Variants in MYO16 observed in about 807,000 individuals in gnomAD.
MYO16 encodes unconventional myosin-XVI.
Under a neutral mutation model 205.3 loss-of-function variants are expected in MYO16, and 94 were observed. The observed-to-expected ratio is 0.46, with a 90% CI of 0.39 to 0.54. MYO16 has a LOEUF of 0.54. Ranked by LOEUF, MYO16 falls within the 20% of genes least tolerant of loss-of-function variation. The probability of loss-of-function intolerance (pLI) is 0.00; values close to 1 mark genes in which losing one functional copy is unlikely to be tolerated. For missense variants in MYO16, 2,315 were observed against 2,387.5 expected (o/e 0.97, Z 0.63); for synonymous variants, 988 against 954.0 (o/e 1.04, Z -0.66).
chr13:108,861,387 C>T (rs1878443265), intron 11 of MYO16, among the ~76,000 whole-genome samples: 2 of 152,178 alleles, frequency 1.3e-5, no homozygotes, highest in Admixed American at 1.3e-4. Flanking sequence ...CAATAAACTA[C>T]TATATGAGTA....
intron 9 of MYO16, among the ~76,000 whole-genome samples, chr13:108,825,465 C>T (rs1252825677): frequency 6.6e-6 from 1 of 151,924 alleles, no homozygotes; most frequent in Non-Finnish European, 1.5e-5. Flanking sequence ...TAACGTCATA[C>T]TCAATGGTGA....
At chr13:108,851,543 C>A (rs1877864291) in intron 10 of MYO16, among the ~76,000 whole-genome samples, 1 of 152,170 alleles carries the variant, frequency 6.6e-6, no homozygotes, top group African/African-American at 2.4e-5. Flanking sequence ...GCATTCCAGT[C>A]TGTGATCCTG....
intron 16 of MYO16, among the ~76,000 whole-genome samples, chr13:108,952,547 A>G (rs1173828955): frequency 6.6e-6 from 1 of 152,216 alleles, no homozygotes; most frequent in East Asian, 1.9e-4. Context: ...ATCAAGAAAT[A>G]CTAGTTCCCA....
At chr13:108,995,524 G>T (rs113651461) in intron 21 of MYO16, among the ~76,000 whole-genome samples, 5 of 151,958 alleles carry the variant, frequency 3.3e-5, no homozygotes, top group African/African-American at 1.2e-4. Context: ...GTGCCATGTT[G>T]GTGTGCTGCC....
chr13:108,547,069 G>A, the MYO16 span, among the ~76,000 whole-genome samples: 46 of 152,008 alleles, frequency 3.0e-4, no homozygotes, highest in East Asian at 4.1e-3. Flanking sequence ...TCAGGAGATC[G>A]AGATCATCCT....
At position 109,141,459 on chromosome 13, in the gene MYO16, T is replaced by G. The variant is rs751937410; in HGVS notation, c.5164+83T>G. Reference sequence around the variant, plus strand: ...CTGTGTACATCCGTGTCTGCGCAGATGTGAAATAGTAAAGTTTCAGGTGAT... The same window carrying G: ...CTGTGTACATCCGTGTCTGCGCAGAGGTGAAATAGTAAAGTTTCAGGTGAT... On this transcript the variant is annotated intron_variant, in intron 32 of 34. Coordinates refer to ENST00000457511, the MANE Select transcript of MYO16 (RefSeq NM_001198950.3). The surrounding 1 kb of genome is among the most constrained non-coding windows in gnomAD (Gnocchi z 4.1). The G allele has an allele frequency of 2.1e-6, 2 of 974,364 alleles. No individual in the cohort carries two copies. Among genetic ancestry groups the G allele is most frequent in the Non-Finnish European group, 2.8e-6 (2 of 712,260 alleles). The allele number at this position is 974,364 out of a possible 1,614,324, so 60.4% of individuals were successfully genotyped here. A position where few individuals can be genotyped will look rare whatever the true frequency, so the allele number is the denominator to read the frequency against.
chr13:108,944,070 A>C (rs895412435), intron 16 of MYO16, among the ~76,000 whole-genome samples: 1 of 152,232 alleles, frequency 6.6e-6, no homozygotes. Flanking sequence ...AGCACAGCAC[A>C]TGAGGCTGAA....
intron 4 of MYO16, among the ~76,000 whole-genome samples, chr13:108,746,973 A>G (rs1885084511): frequency 6.6e-6 from 1 of 152,188 alleles, no homozygotes; most frequent in Non-Finnish European, 1.5e-5. Flanking sequence ...TCTCTCTAGA[A>G]ATTATGAAAG....
intron 27 of MYO16, among the ~76,000 whole-genome samples, chr13:109,073,406 C>T (rs1274050627): frequency 3.7e-5 from 5 of 136,614 alleles, no homozygotes; most frequent in African/African-American, 1.1e-4. Context: ...CCACTGCACA[C>T]GGCCTGTGGA....
intron 33 of MYO16, among the ~76,000 whole-genome samples, chr13:109,173,207 G>A (rs539337169): frequency 4.6e-5 from 7 of 152,184 alleles, no homozygotes; most frequent in Non-Finnish European, 8.8e-5. Flanking sequence ...TTATGCATGG[G>A]AGCCCTATGC....
intron 34 of MYO16, among the ~76,000 whole-genome samples, chr13:109,193,594 T>A (rs544355346): frequency 6.6e-6 from 1 of 152,340 alleles, no homozygotes; most frequent in Admixed American, 6.5e-5. Flanking sequence ...ATTACTAAAT[T>A]AATAGTTAAA....
intron 23 of MYO16, 54 bp from the exon 24 acceptor site, chr13:109,046,862 A>G: frequency 7.0e-7 from 1 of 1,423,394 alleles, no homozygotes; most frequent in South Asian, 1.2e-5. Context: ...AAAGGAATTT[A>G]TTTTCACAGT....
intron 4 of MYO16, among the ~76,000 whole-genome samples, chr13:108,749,553 A>C (rs541128939): frequency 6.6e-6 from 1 of 152,356 alleles, no homozygotes; most frequent in Non-Finnish European, 1.5e-5. Context: ...GTTGTAAATT[A>C]AAACAAGATC....
chr13:108,542,267 A>G, the MYO16 span, among the ~76,000 whole-genome samples: 3 of 152,284 alleles, frequency 2.0e-5, no homozygotes, highest in East Asian at 1.9e-4. Flanking sequence ...CTAAATAATG[A>G]GAACACAGGG....
chr13:108,558,498 G>C, the MYO16 span, among the ~76,000 whole-genome samples: 44 of 152,346 alleles, frequency 2.9e-4, no homozygotes, highest in Admixed American at 2.6e-3. Flanking sequence ...CAACTGTGGC[G>C]ATGAGCATAC....
At chr13:109,179,425 A>T in intron 33 of MYO16, 117 bp from the exon 34 acceptor site, 2 of 687,960 alleles carry the variant, frequency 2.9e-6, no homozygotes, top group Non-Finnish European at 5.2e-6. Flanking sequence ...GTGTTTAAGG[A>T]TCATCATTTC....
intron 23 of MYO16, among the ~76,000 whole-genome samples, chr13:109,040,372 A>G (rs1463817690): frequency 7.9e-6 from 1 of 126,608 alleles, no homozygotes; most frequent in African/African-American, 3.0e-5. Context: ...ACACACACAC[A>G]CACACACACA....
intron 4 of MYO16, among the ~76,000 whole-genome samples, chr13:108,760,576 T>C (rs1333063227): frequency 6.6e-6 from 1 of 152,216 alleles, no homozygotes; most frequent in Non-Finnish European, 1.5e-5. Flanking sequence ...CATTTCCACC[T>C]GACATATAAT....
intron 27 of MYO16, among the ~76,000 whole-genome samples, chr13:109,093,937 A>AG (rs1245606703): frequency 6.6e-6 from 1 of 152,066 alleles, no homozygotes; most frequent in Non-Finnish European, 1.5e-5. Context: ...GTCTGAGCTG[A>AG]GGTCCTGACA....
Sources: gnomAD v4.1 joint callset for allele counts (sites outside exome capture counted in the v4.1 genomes callset) on GRCh38, gnomAD v4.1.1 for gene constraint, Gnocchi (gnomAD v3.1) non-coding constraint, MANE v1.5 for transcripts, NCBI Gene and HGNC (gene_info 2026-07-23, HGNC 2026-07-21) for gene names.